PPP3CA: variants seen among roughly 807,000 people sequenced by gnomAD.
The protein encoded by PPP3CA is protein phosphatase 3 catalytic subunit alpha, also known as CAM-PRP catalytic subunit.
Under a neutral mutation model 66.5 loss-of-function variants are expected in PPP3CA, and 14 were observed. That is an observed-to-expected ratio of 0.21 (90% CI 0.14 to 0.33). The LOEUF (loss-of-function observed/expected upper bound fraction) is 0.33, where lower values mean the gene tolerates loss of function less well. Ranked by LOEUF, PPP3CA falls within the 10% of genes least tolerant of loss-of-function variation. PPP3CA has a pLI of 1.00. For synonymous variants in PPP3CA, 232 were observed against 226.2 expected (o/e 1.03, Z -0.23); for missense variants, 317 against 639.5 (o/e 0.50, Z 5.44).
At chr4:101,178,368 G>C (rs1369127660) in intron 2 of PPP3CA, among the ~76,000 whole-genome samples, 2 of 152,040 alleles carry the variant, frequency 1.3e-5, no homozygotes, top group East Asian at 3.9e-4. Flanking sequence ...AACAGTTTTA[G>C]CATTAGGCCT....
chr4:101,321,430 C>T (rs916926657), intron 1 of PPP3CA, among the ~76,000 whole-genome samples: 2 of 152,176 alleles, frequency 1.3e-5, no homozygotes, highest in African/African-American at 2.4e-5. Context: ...TATTACATCA[C>T]TAAAACAATG....
intron 9 of PPP3CA, among the ~76,000 whole-genome samples, chr4:101,062,450 T>C (rs6851231): frequency 2.0e-5 from 3 of 151,658 alleles, no homozygotes; most frequent in Non-Finnish European, 4.4e-5. Context: ...ACTCTGATAC[T>C]TATAGGAACA....
intron 1 of PPP3CA, among the ~76,000 whole-genome samples, chr4:101,298,845 G>C (rs1347824668): frequency 3.2e-5 from 2 of 63,282 alleles, no homozygotes; most frequent in Non-Finnish European, 4.7e-5. Context: ...GGTCTACTGT[G>C]TGTGTGTGTG....
rs367707902 is a variant in PPP3CA at position 101,281,436 on chromosome 4, T to C, written c.58+65303A>G. Among the ~76,000 whole-genome samples, 165 of 152,338 alleles carry C rather than the reference T, an allele frequency of 1.1e-3. 3 individuals are homozygous for C. The South Asian group carries it at 0.034, about 31-fold the overall frequency. On this transcript the variant is annotated intron_variant, in intron 1 of 13. Transcript: ENST00000394854. The stretch of plus-strand genomic sequence containing the variant: ...AGAGGACTTCCTGGGGCAATGCTCT[T>C]AAATACGTAAGAGGGGGTGAGATCC...
rs554849450 is a variant in PPP3CA at position 101,200,367 on chromosome 4, G to T, written c.59-4251C>A. Among the ~76,000 whole-genome samples, 115 of 152,286 alleles carry T rather than the reference G, an allele frequency of 7.6e-4. 1 individual carries two copies. Among genetic ancestry groups the T allele is most frequent in the African/African-American group, 2.7e-3 (111 of 41,562 alleles). Reference sequence around the variant, plus strand: ...TGGTGTGGAGACTGTTTGAGGGAAAGAATTAAAATGGCATTTTCTGTGCCT... The same window carrying T: ...TGGTGTGGAGACTGTTTGAGGGAAATAATTAAAATGGCATTTTCTGTGCCT... On this transcript the variant is annotated intron_variant, in intron 1 of 13. Coordinates refer to ENST00000394854, the MANE Select transcript of PPP3CA (RefSeq NM_000944.5).
chr4:101,075,338 T>C (rs1459829536), intron 8 of PPP3CA, among the ~76,000 whole-genome samples: 1 of 152,242 alleles, frequency 6.6e-6, no homozygotes, highest in Non-Finnish European at 1.5e-5. Context: ...ATTAGTTTCG[T>C]TGCCATTAGA....
intron 1 of PPP3CA, among the ~76,000 whole-genome samples, chr4:101,226,533 C>T (rs986590088): frequency 2.0e-5 from 3 of 151,494 alleles, no homozygotes; most frequent in Non-Finnish European, 3.0e-5. Context: ...GTCAAAAAAA[C>T]GAAAAAAGTT....
chr4:101,127,372 G>T (rs1722277022), intron 2 of PPP3CA, among the ~76,000 whole-genome samples: 1 of 152,032 alleles, frequency 6.6e-6, no homozygotes, highest in African/African-American at 2.4e-5. Context: ...ATGTAATCAG[G>T]TCACGCTTGA....
At chr4:101,298,637 A>G (rs1336117924) in intron 1 of PPP3CA, among the ~76,000 whole-genome samples, 1 of 152,022 alleles carries the variant, frequency 6.6e-6, no homozygotes, top group East Asian at 1.9e-4. Context: ...TTTCTTTTCT[A>G]TGGCTTACTT....
At chr4:101,043,509 G>C (rs1727621987) in intron 10 of PPP3CA, among the ~76,000 whole-genome samples, 1 of 151,216 alleles carries the variant, frequency 6.6e-6, no homozygotes, top group Non-Finnish European at 1.5e-5. Context: ...ATGTAGTTGT[G>C]CTCCCCATAA....
chr4:101,094,285 A>G (rs1160368059), intron 5 of PPP3CA, among the ~76,000 whole-genome samples: 1 of 152,050 alleles, frequency 6.6e-6, no homozygotes, highest in African/African-American at 2.4e-5. Context: ...ATGACCAGTT[A>G]TTATGACTCT....
In PPP3CA at chr4:101,040,474, G is replaced by A; in HGVS notation, c.1241+8C>T. 4 of 1,587,656 alleles carry A rather than the reference G, an allele frequency of 2.5e-6. No homozygotes were observed. The South Asian group carries it at 4.6e-5, about 18-fold the overall frequency. ...TTTGAAACAAAAACAGAGTACGAAT[G>A]CACCCACCTGAGCACTGAGAACACT... On this transcript the variant is annotated splice_region_variant and intron_variant, in intron 11 of 13. Coordinates refer to ENST00000394854, the MANE Select transcript of PPP3CA (RefSeq NM_000944.5).
intron 1 of PPP3CA, among the ~76,000 whole-genome samples, chr4:101,255,628 A>T (rs1726817308): frequency 6.6e-6 from 1 of 151,914 alleles, no homozygotes; most frequent in Non-Finnish European, 1.5e-5. Flanking sequence ...GTCAACCAAA[A>T]GTAAGTAAAT....
chr4:101,025,649 G>C lies in PPP3CA; in HGVS notation c.*216C>G, dbSNP rs765411122. 6.8e-6 allele frequency: 3 copies of C among 441,254 alleles called. No homozygotes were observed. Among genetic ancestry groups the C allele is most frequent in the Non-Finnish European group, 1.2e-5 (3 of 252,390 alleles). 27.3% of individuals were successfully genotyped at this position (441,254 alleles called of 1,614,324 possible). On this transcript the variant is annotated 3_prime_UTR_variant, in exon 14 of 14. Coordinates refer to ENST00000394854, the MANE Select transcript of PPP3CA (RefSeq NM_000944.5). ...GCATTTTTAAAAGGCATACCCAAAA[G>C]AGGTGTTTAATCACCATCCCCACCA... is the stretch of plus-strand genomic sequence containing the variant.
At chr4:101,309,993 G>A (rs1258369091) in intron 1 of PPP3CA, among the ~76,000 whole-genome samples, 5 of 152,268 alleles carry the variant, frequency 3.3e-5, no homozygotes, top group African/African-American at 1.2e-4. Context: ...GAAAAGATCA[G>A]TGTGTAAATA....
intron 1 of PPP3CA, among the ~76,000 whole-genome samples, chr4:101,237,634 G>A (rs141563401): frequency 2.0e-5 from 3 of 151,988 alleles, no homozygotes; most frequent in South Asian, 2.1e-4. Flanking sequence ...GCTTTAATTC[G>A]TGTAATTTTG....
At chr4:101,286,820 A>C (rs1197906208) in intron 1 of PPP3CA, among the ~76,000 whole-genome samples, 1 of 152,200 alleles carries the variant, frequency 6.6e-6, no homozygotes, top group African/African-American at 2.4e-5. Context: ...CCTATAAAAG[A>C]AGCCTGATCC....
At chr4:101,324,082 T>A (rs1421428784) in intron 1 of PPP3CA, among the ~76,000 whole-genome samples, 2 of 148,588 alleles carry the variant, frequency 1.3e-5, no homozygotes, top group African/African-American at 5.0e-5. Flanking sequence ...CACTCCAGCC[T>A]GGGTGACAGA....
intron 2 of PPP3CA, among the ~76,000 whole-genome samples, chr4:101,171,669 C>T (rs1157342700): frequency 6.6e-6 from 1 of 152,098 alleles, no homozygotes; most frequent in Non-Finnish European, 1.5e-5. Context: ...CTAGAGTGCC[C>T]ATGCTCAGTC....
Sources: allele counts gnomAD v4.1 joint callset (sites outside exome capture counted in the v4.1 genomes callset), GRCh38; gene constraint gnomAD v4.1.1; transcripts MANE v1.5; gene names NCBI Gene and HGNC (gene_info 2026-07-23, HGNC 2026-07-21).